The following PPWD1 variants were observed in gnomAD, a reference collection of about 807,000 sequenced individuals.
PPWD1 encodes peptidylprolyl isomerase domain and WD repeat containing 1.
PPWD1 carries 43 observed loss-of-function variants against 68.8 expected under a neutral mutation model. That is an observed-to-expected ratio of 0.62 (90% CI 0.49 to 0.81). The LOEUF is 0.81. Ranked by LOEUF, PPWD1 falls within the 30% of genes least tolerant of loss-of-function variation. The pLI is 0.00. For missense variants in PPWD1, 672 were observed against 804.8 expected (o/e 0.83, Z 2.00); for synonymous variants, 232 against 258.7 (o/e 0.90, Z 0.99).
intron 1 of PPWD1, among the ~76,000 whole-genome samples, chr5:65,565,981 A>G (rs1752734874): frequency 6.6e-6 from 1 of 152,178 alleles, no homozygotes; most frequent in Non-Finnish European, 1.5e-5. Flanking sequence ...TTCTTTGGAC[A>G]TTGGACTGTT....
At position 65,571,982 on chromosome 5, in the gene PPWD1, A is replaced by G. The variant is rs776437383; in HGVS notation, c.665A>G (p.His222Arg). Reference protein sequence around the residue: ...NQPLHIFDKLHTSPLTQIRLN... With the variant: ...NQPLHIFDKLRTSPLTQIRLN... ...CCACTTCATATTTTTGACAAACTCC[A>G]TACATCACCTCTTACTCAGATACGG... The change falls in exon 5 of 11, where the codon CAT becomes CGT. Residue 222 changes from histidine to arginine, a missense_variant. Transcript: ENST00000261308. 6 of 1,613,850 alleles carry G rather than the reference A, an allele frequency of 3.7e-6. No homozygotes were observed. Among genetic ancestry groups the G allele is most frequent in the Non-Finnish European group, 5.1e-6 (6 of 1,179,870 alleles).
Position 65,583,043 on chromosome 5 carries a change from C to A in PPWD1, c.1356C>A (p.Thr452=). Residue 452 remains threonine, a synonymous_variant, in exon 8 of 11, where the codon ACC becomes ACA. Coordinates refer to ENST00000261308, the MANE Select transcript of PPWD1 (RefSeq NM_015342.4). ...SFKKNRFYMF[T]KREPEDTKSA... Reference sequence around the variant, plus strand: ...TTTTTACTTTCCTCCTTGAGTTTACCAAACGAGAACCAGAAGATACGAAAA... The same window carrying A: ...TTTTTACTTTCCTCCTTGAGTTTACAAAACGAGAACCAGAAGATACGAAAA... 1.3e-6 allele frequency: 2 copies of A among 1,564,530 alleles called. No individual in the cohort carries two copies. Among genetic ancestry groups the A allele is most frequent in the Non-Finnish European group, 8.7e-7 (1 of 1,155,098 alleles).
At chr5:65,565,744 G>T (rs1752719164) in intron 1 of PPWD1, among the ~76,000 whole-genome samples, 1 of 147,910 alleles carries the variant, frequency 6.8e-6, no homozygotes, top group Non-Finnish European at 1.5e-5. Flanking sequence ...GGAGGCAGAG[G>T]TTGCAGTGAG....
chr5:65,572,436 TGTA>T, intron 5 of PPWD1, 150 bp downstream of exon 5: 1 of 865,662 alleles, frequency 1.2e-6, no homozygotes, highest in Non-Finnish European at 1.7e-6. Context: ...GTTTCTGTCT[TGTA>T]GTGTTGCTCT....
intron 5 of PPWD1, among the ~76,000 whole-genome samples, chr5:65,573,859 A>G (rs1459681107): frequency 3.9e-5 from 6 of 152,140 alleles, no homozygotes; most frequent in Non-Finnish European, 8.8e-5. Context: ...ATATTTTGAA[A>G]GAGTGACTCT....
chr5:65,573,381 C>T (rs1753102372), intron 5 of PPWD1, among the ~76,000 whole-genome samples: 1 of 147,644 alleles, frequency 6.8e-6, no homozygotes, highest in Non-Finnish European at 1.5e-5. Flanking sequence ...CAACCTCCGC[C>T]CCCTGGGTTC....
chr5:65,564,894 C>T lies in PPWD1; in HGVS notation c.196+1388C>T, dbSNP rs562986908. On this transcript the variant is annotated intron_variant, in intron 1 of 10. Transcript: ENST00000261308. ...ACCTTTAGCACTTAGCTATCATCTT[C>T]TCTGGGAAGCCTGTGACTTCTCCAG... Among the ~76,000 whole-genome samples, 3 of 152,330 alleles carry T rather than the reference C, an allele frequency of 2.0e-5. No homozygotes were observed. The East Asian group carries it at 5.8e-4, about 29-fold the overall frequency.
In PPWD1 at chr5:65,568,203, C is replaced by T. The variant is rs1217176920; in HGVS notation, c.299+588C>T. 2.0e-5 allele frequency: 3 copies of T among 152,126 alleles called. No individual in the cohort carries two copies. The East Asian group carries it at 5.8e-4, about 29-fold the overall frequency. 9.4% of individuals were successfully genotyped at this position (152,126 alleles called of 1,614,324 possible). ...ATTGAAACTCCAAAACACTTCTGGT[C>T]CGATACATTTTGGATAAGGGATACT... is the stretch of plus-strand genomic sequence containing the variant. On this transcript the variant is annotated intron_variant, in intron 2 of 10. Transcript: ENST00000261308.
At chr5:65,568,691 T>C (rs1488102256) in intron 2 of PPWD1, among the ~76,000 whole-genome samples, 1 of 152,082 alleles carries the variant, frequency 6.6e-6, no homozygotes, top group Non-Finnish European at 1.5e-5. Context: ...TGGATTACTT[T>C]ACACTTTTTT....
intron 1 of PPWD1, among the ~76,000 whole-genome samples, chr5:65,565,510 C>T (rs1407998597): frequency 6.6e-6 from 1 of 151,966 alleles, no homozygotes; most frequent in Non-Finnish European, 1.5e-5. Flanking sequence ...TGTTTTAAGA[C>T]AGCCAATAGT....
chr5:65,569,538 A>C, intron 2 of PPWD1, 94 bp from the exon 3 acceptor site: 1 of 1,375,032 alleles, frequency 7.3e-7, no homozygotes, highest in African/African-American at 1.5e-5. Flanking sequence ...CCTATTATGC[A>C]CAAGTCAGAT....
At chr5:65,580,663 G>A (rs37336) in intron 7 of PPWD1, among the ~76,000 whole-genome samples, 46,189 of 151,998 alleles carry the variant, frequency 0.3, 7,359 homozygotes, top group African/African-American at 0.38. Context: ...ATAGGTGCAT[G>A]CCACCATACC....
At chr5:65,570,763 A>G (rs1752974997) in intron 4 of PPWD1, among the ~76,000 whole-genome samples, 1 of 152,048 alleles carries the variant, frequency 6.6e-6, no homozygotes, top group Non-Finnish European at 1.5e-5. Flanking sequence ...GGGAAGAAGG[A>G]AAGGGAGATC....
chr5:65,572,089 A>C lies in PPWD1; in HGVS notation c.772A>C (p.Lys258Gln), dbSNP rs371636721. The C allele has an allele frequency of 6.8e-6, 11 of 1,613,750 alleles. No homozygotes were observed. The highest frequency in any genetic ancestry group is 9.3e-6 in the Non-Finnish European group (11 of 1,179,738). ...EYWTGPPHEYKFPKNVNWEYK... is the reference protein window; with the variant it reads ...EYWTGPPHEYQFPKNVNWEYK... Reference sequence around the variant, plus strand: ...CTGGACTGGGCCTCCTCATGAATATAAATTCCCCAAAAATGTGAACTGGGA... The same window carrying C: ...CTGGACTGGGCCTCCTCATGAATATCAATTCCCCAAAAATGTGAACTGGGA... Residue 258 changes from lysine to glutamine, a missense_variant, in exon 5 of 11, where the codon AAA becomes CAA. Lys to Gln is a moderately conservative substitution (Grantham distance 53). Around this residue, in one of 2 missense-constraint regions of PPWD1, gnomAD observed 484 missense variants for 646.2 expected, o/e 0.75. Coordinates refer to ENST00000261308, the MANE Select transcript of PPWD1 (RefSeq NM_015342.4).
intron 6 of PPWD1, 151 bp downstream of exon 6, chr5:65,577,220 C>T (rs1213504503): frequency 6.1e-6 from 8 of 1,309,228 alleles, no homozygotes; most frequent in Non-Finnish European, 7.9e-6. Context: ...CTGGATTTTT[C>T]TGTGGTCTCT....
intron 1 of PPWD1, chr5:65,564,088 T>C (rs1752516917): frequency 1.9e-6 from 1 of 522,632 alleles, no homozygotes; most frequent in Admixed American, 3.2e-5. Context: ...CTTGATACGA[T>C]GGGCTGAGTC....
intron 2 of PPWD1, among the ~76,000 whole-genome samples, chr5:65,568,747 T>G (rs1287429976): frequency 6.6e-6 from 1 of 152,238 alleles, no homozygotes; most frequent in Admixed American, 6.5e-5. Context: ...TAATTTCATA[T>G]ATAAATCTAA....
At chr5:65,587,099 G>A in intron 10 of PPWD1, 154 bp from the exon 11 acceptor site, 1 of 506,296 alleles carries the variant, frequency 2.0e-6, no homozygotes, top group Non-Finnish European at 2.5e-6. Flanking sequence ...TTTAAAAGCT[G>A]CTACATTTTT....
At chr5:65,580,640 G>A (rs1203293939) in intron 7 of PPWD1, among the ~76,000 whole-genome samples, 1 of 152,014 alleles carries the variant, frequency 6.6e-6, no homozygotes, top group Admixed American at 6.5e-5. Flanking sequence ...CAGTCTCCTG[G>A]GTAGCTGGGA....
Sources: allele counts gnomAD v4.1 joint callset (sites outside exome capture counted in the v4.1 genomes callset), GRCh38; gene constraint gnomAD v4.1.1; regional missense constraint gnomAD v4.1.1; transcripts MANE v1.5; gene names NCBI Gene and HGNC (gene_info 2026-07-23, HGNC 2026-07-21).